Variants in SLC25A16 observed in about 807,000 individuals in gnomAD.
SLC25A16 encodes the protein mitochondrial coenzyme A transporter SLC25A16.
In SLC25A16, 39 loss-of-function variants were observed where a neutral mutation model predicts 41.5. The ratio of observed to expected loss-of-function variants is 0.94; its 90% CI spans 0.73 to 1.23. The LOEUF (loss-of-function observed/expected upper bound fraction) is 1.23. SLC25A16 is among the 50% of genes most tolerant of loss of function. The pLI, the probability that SLC25A16 is intolerant of heterozygous loss-of-function variation, is 0.00. For synonymous variants in SLC25A16, 146 were observed against 147.8 expected (o/e 0.99, Z 0.09); for missense variants, 421 against 426.9 (o/e 0.99, Z 0.12).
intron 1 of SLC25A16, among the ~76,000 whole-genome samples, chr10:68,518,959 G>A (rs56352709): frequency 0.036 from 5,438 of 152,132 alleles, 151 homozygotes; most frequent in South Asian, 0.089. Flanking sequence ...TTGGGAGGCC[G>A]AGGTGGGCGG....
At position 68,488,562 on chromosome 10, in the gene SLC25A16, G is replaced by A. The variant is rs780020223; in HGVS notation, c.678C>T (p.Gly226=). 1.9e-6 allele frequency: 3 copies of A among 1,606,220 alleles called. No homozygotes were observed. The highest frequency in any genetic ancestry group is 1.3e-5 in the African/African-American group (1 of 74,568). The change falls in exon 7 of 9, where the codon GGC becomes GGT. Residue 226 remains glycine, a synonymous_variant. Transcript: ENST00000609923. ...CATTAGGATTGTCTGATGAAGGTCT[G>A]CCAAGAAGGGTAGGAGCATGGGAAA... is the stretch of plus-strand genomic sequence containing the variant. The part of the protein sequence containing the change: ...VGLSHAPTLL[G]RPSSDNPNVL...
At chr10:68,517,771 C>A (rs1374261812) in intron 1 of SLC25A16, 2 of 152,044 alleles carry the variant, frequency 1.3e-5, no homozygotes, top group African/African-American at 4.8e-5. Flanking sequence ...GAGCTCGACA[C>A]CAGCCTGGCC....
intron 8 of SLC25A16, 84 bp from the exon 9 acceptor site, chr10:68,483,672 T>C: frequency 8.4e-7 from 1 of 1,196,234 alleles, no homozygotes; most frequent in Non-Finnish European, 1.1e-6. Flanking sequence ...TTTTGTTTTT[T>C]TGAGATGGAC....
chr10:68,513,560 C>T (rs2053106340), intron 2 of SLC25A16, among the ~76,000 whole-genome samples: 1 of 152,074 alleles, frequency 6.6e-6, no homozygotes, highest in South Asian at 2.1e-4. Flanking sequence ...GTTATTCACC[C>T]TGTTAAACAT....
rs1250562112 is a variant in SLC25A16, at chr10:68,492,630, C to A, written c.610+502G>T. ...CCAGCAGGTGGAGGTTGCAGTGAGCCGAGATCACGCCATTGCACTCCAGCT... is the reference window on the plus strand; with the variant it reads ...CCAGCAGGTGGAGGTTGCAGTGAGCAGAGATCACGCCATTGCACTCCAGCT... On this transcript the variant is annotated intron_variant, in intron 6 of 8. Transcript: ENST00000609923. Among the ~76,000 whole-genome samples, 3 of 151,496 alleles carry A rather than the reference C, an allele frequency of 2.0e-5. No individual in the cohort carries two copies. The East Asian group carries it at 5.8e-4, about 29-fold the overall frequency.
At chr10:68,496,701 A>G (rs185697955) in intron 4 of SLC25A16, 1 of 953,412 alleles carries the variant, frequency 1.0e-6, no homozygotes, top group East Asian at 1.2e-4. Flanking sequence ...CCCAGGAGTT[A>G]TGGGAAACCT....
chr10:68,500,371 G>A (rs1407451771), intron 4 of SLC25A16, among the ~76,000 whole-genome samples: 1 of 152,064 alleles, frequency 6.6e-6, no homozygotes, highest in African/African-American at 2.4e-5. Context: ...GTAGTAACGC[G>A]ATCTGGGCTC....
At chr10:68,510,576 T>C (rs1484523137) in intron 2 of SLC25A16, among the ~76,000 whole-genome samples, 6 of 151,176 alleles carry the variant, frequency 4.0e-5, no homozygotes, top group Admixed American at 3.3e-4. Context: ...CGCGGTGGCT[T>C]ACGCCTATAA....
chr10:68,499,734 T>G, intron 4 of SLC25A16: 1 of 395,650 alleles, frequency 2.5e-6, no homozygotes, highest in South Asian at 2.6e-5. Flanking sequence ...GTCAGCAAAT[T>G]GGCAAAGTAG....
At chr10:68,505,996 C>T (rs1590112502) in intron 3 of SLC25A16, among the ~76,000 whole-genome samples, 1 of 152,052 alleles carries the variant, frequency 6.6e-6, no homozygotes, top group East Asian at 1.9e-4. Context: ...TGCACCACTG[C>T]ACTCCAGCCT....
intron 4 of SLC25A16, among the ~76,000 whole-genome samples, chr10:68,501,250 C>CA (rs534962296): frequency 0.054 from 7,672 of 142,570 alleles, 244 homozygotes; most frequent in South Asian, 0.094. Flanking sequence ...GACTCCATCT[C>CA]AAAAAAAAAA....
rs993345320 is a variant in SLC25A16 at position 68,491,978 on chromosome 10, G to A, written c.610+1154C>T. Among the ~76,000 whole-genome samples the A allele has an allele frequency of 2.0e-5, 3 of 151,962 alleles. No individual in the cohort carries two copies. In the South Asian group the frequency reaches 6.2e-4, roughly 32 times the overall value. On this transcript the variant is annotated intron_variant, in intron 6 of 8. Coordinates refer to ENST00000609923, the MANE Select transcript of SLC25A16 (RefSeq NM_152707.4). ...TGAGTAGCTGGGATTACAGGCACAC[G>A]CCACCAAGCCAGCTAATTTTTGTAT...
chr10:68,485,355 G>T (rs1033821928), intron 8 of SLC25A16, among the ~76,000 whole-genome samples: 3 of 152,056 alleles, frequency 2.0e-5, no homozygotes, highest in African/African-American at 7.2e-5. Flanking sequence ...CTCCCAAAGT[G>T]CTGGGATTAC....
At chr10:68,510,989 A>C (rs1475999237) in intron 2 of SLC25A16, among the ~76,000 whole-genome samples, 1 of 152,220 alleles carries the variant, frequency 6.6e-6, no homozygotes, top group East Asian at 1.9e-4. Context: ...CTATAATCCC[A>C]GCACTTTGGG....
chr10:68,491,258 C>A (rs1206241888), intron 6 of SLC25A16, among the ~76,000 whole-genome samples: 6 of 151,072 alleles, frequency 4.0e-5, no homozygotes, highest in Non-Finnish European at 2.9e-5. Context: ...CAGAGTTTTG[C>A]TCTTGTGGCC....
At chr10:68,483,797 G>A (rs1320445599) in intron 8 of SLC25A16, among the ~76,000 whole-genome samples, 1 of 151,990 alleles carries the variant, frequency 6.6e-6, no homozygotes, top group Non-Finnish European at 1.5e-5. Context: ...TGAGTAGCTG[G>A]GATTACAGGC....
rs78924920 is a variant in SLC25A16 at position 68,480,566 on chromosome 10, G to A, written c.*2866C>T. 0.093 allele frequency: 12,992 copies of A among 139,802 alleles called. 898 individuals are homozygous for A. Among genetic ancestry groups the A allele is most frequent in the South Asian group, 0.26 (1,137 of 4,454 alleles). 8.7% of individuals were successfully genotyped at this position (139,802 alleles called of 1,614,324 possible). A position where few individuals can be genotyped will look rare whatever the true frequency, so the allele number is the denominator to read the frequency against. ...GGTTAGAATGCAGTGGCACGATCTC[G>A]GCTCACTGCAAGCTCCGCCTCCCAG... On this transcript the variant is annotated 3_prime_UTR_variant, in exon 9 of 9. Transcript: ENST00000609923.
chr10:68,515,501 TA>T (rs2053146107), intron 2 of SLC25A16, among the ~76,000 whole-genome samples: 1 of 151,882 alleles, frequency 6.6e-6, no homozygotes, highest in Non-Finnish European at 1.5e-5. Context: ...TTATTGCATT[TA>T]AAAAATCAGA....
At chr10:68,508,948 T>C (rs1213809179) in intron 2 of SLC25A16, among the ~76,000 whole-genome samples, 3 of 152,288 alleles carry the variant, frequency 2.0e-5, no homozygotes, top group Middle Eastern at 3.4e-3. Flanking sequence ...CCACATATGT[T>C]TATTATGTTA....
Sources: gnomAD v4.1 joint callset for allele counts (sites outside exome capture counted in the v4.1 genomes callset) on GRCh38, gnomAD v4.1.1 for gene constraint, MANE v1.5 for transcripts, NCBI Gene and HGNC (gene_info 2026-07-23, HGNC 2026-07-21) for gene names.